The following NAV2 variants were observed in gnomAD, a reference collection of about 807,000 sequenced individuals.
NAV2 encodes the protein neuron navigator 2.
NAV2 carries 54 observed loss-of-function variants against 223.2 expected under a neutral mutation model. The ratio of observed to expected loss-of-function variants is 0.24; its 90% CI spans 0.19 to 0.30. NAV2 has a LOEUF of 0.30. NAV2 is among the 10% of genes least tolerant of loss of function. NAV2 has a pLI of 1.00. For missense variants in NAV2, 2,806 were observed against 3,147.5 expected (o/e 0.89, Z 2.60); for synonymous variants, 1,279 against 1,239.3 (o/e 1.03, Z -0.67).
intron 1 of NAV2, among the ~76,000 whole-genome samples, chr11:19,582,494 T>A (rs545533362): frequency 4.5e-4 from 69 of 152,380 alleles, no homozygotes; most frequent in Admixed American, 8.5e-4. Context: ...TTTTTATGGT[T>A]TTAGGCCTAA....
intron 3 of NAV2, among the ~76,000 whole-genome samples, chr11:19,855,697 A>G (rs1253734144): frequency 6.6e-6 from 1 of 152,194 alleles, no homozygotes; most frequent in Non-Finnish European, 1.5e-5. Context: ...AAATGAGTCA[A>G]CTTGGAATTA....
At chr11:19,938,981 CTGAA>C (rs2046168458) in intron 7 of NAV2, among the ~76,000 whole-genome samples, 1 of 152,184 alleles carries the variant, frequency 6.6e-6, no homozygotes, top group Admixed American at 6.5e-5. Context: ...CATGCCATGC[CTGAA>C]TGAGCAGAGG....
chr11:19,962,040 T>C (rs1223785721), intron 10 of NAV2, among the ~76,000 whole-genome samples: 1 of 151,716 alleles, frequency 6.6e-6, no homozygotes, highest in African/African-American at 2.4e-5. Context: ...TCAGATGCCC[T>C]CGTTGCAGGC....
intron 17 of NAV2, among the ~76,000 whole-genome samples, chr11:20,052,280 A>G (rs2058063005): frequency 6.6e-6 from 1 of 152,270 alleles, no homozygotes. Flanking sequence ...AATGTGAGGT[A>G]GGTATCAATG....
At chr11:19,616,734 G>A (rs2046807044) in intron 1 of NAV2, among the ~76,000 whole-genome samples, 1 of 152,010 alleles carries the variant, frequency 6.6e-6, no homozygotes, top group Admixed American at 6.5e-5. Flanking sequence ...TAAGTGGTGA[G>A]AGGGCTCTCA....
intron 1 of NAV2, among the ~76,000 whole-genome samples, chr11:19,767,846 C>A (rs996815714): frequency 1.3e-5 from 2 of 152,108 alleles, no homozygotes; most frequent in Non-Finnish European, 2.9e-5. Context: ...TGCAGATCTC[C>A]AGGCTCCCAG....
At chr11:19,760,170 G>A (rs897440327) in intron 1 of NAV2, 1 of 152,226 alleles carries the variant, frequency 6.6e-6, no homozygotes, top group Non-Finnish European at 1.5e-5. Context: ...TCATTTCAAG[G>A]GTGGCCCAGC....
Position 20,045,639 on chromosome 11 carries a change from T to A in NAV2, c.3871T>A (p.Tyr1291Asn). The A allele has an allele frequency of 3.7e-6, 6 of 1,614,070 alleles. No homozygotes were observed. The highest frequency in any genetic ancestry group is 5.1e-6 in the Non-Finnish European group (6 of 1,179,944). ...GACCAGTCTCCAGCCTGGAGCCAAG[T>A]ACCCAGATGTGGCCTCTCCCACACT... ...AQTSLQPGAK[Y>N]PDVASPTLRR... The change falls in exon 14 of 38, where the codon TAC becomes AAC. Residue 1291 changes from tyrosine to asparagine, a missense_variant. Tyr to Asn is a moderately radical substitution (Grantham distance 143). Around this residue, in one of 4 missense-constraint regions of NAV2, gnomAD observed 742 missense variants for 777.9 expected, o/e 0.95. Coordinates refer to ENST00000349880, the MANE Select transcript of NAV2 (RefSeq NM_145117.5).
intron 4 of NAV2, among the ~76,000 whole-genome samples, chr11:19,877,471 T>TTTTTTTTTTTTTTTTTTTTTCTTTTC (rs2062914911): frequency 9.5e-6 from 1 of 105,436 alleles, no homozygotes; most frequent in African/African-American, 3.9e-5. Context: ...ATCTTCATTC[T>TTTTTTTTTTTTTTTTTTTTTCTTTTC]TTTTTTTTTT....
chr11:19,985,619 C>T (rs1260825029), intron 11 of NAV2, among the ~76,000 whole-genome samples: 1 of 151,934 alleles, frequency 6.6e-6, no homozygotes, highest in Admixed American at 6.6e-5. Context: ...CTCTGTCACC[C>T]AGGCTGGAGT....
In NAV2 at chr11:20,080,122, C is replaced by T. The variant is rs1320112656; in HGVS notation, c.5238C>T (p.Ser1746=). ...LRIRRQHSSD[S]VSSINSATSH... is the part of the protein sequence containing the mutation. ...TCCGCAGGCAGCACTCCTCAGACAG[C>T]GTCTCCAGCATCAACAGTGCCACCA... Residue 1746 remains serine, a synonymous_variant, in exon 25 of 38, where the codon AGC becomes AGT. Transcript: ENST00000349880. 1.9e-5 allele frequency: 31 copies of T among 1,614,102 alleles called. No individual in the cohort carries two copies. The highest frequency in any genetic ancestry group is 2.4e-5 in the Non-Finnish European group (28 of 1,179,996).
intron 1 of NAV2, among the ~76,000 whole-genome samples, chr11:19,672,692 G>A (rs1198928349): frequency 5.9e-5 from 9 of 152,222 alleles, no homozygotes; most frequent in East Asian, 1.9e-4. Context: ...CATGGGGAAG[G>A]AGCCTAAGAG....
At chr11:19,418,871 A>G (rs564346902) in intron 1 of NAV2, among the ~76,000 whole-genome samples, 13 of 151,954 alleles carry the variant, frequency 8.6e-5, no homozygotes, top group African/African-American at 2.9e-4. Flanking sequence ...GAGTCCAGGT[A>G]GGAGGATGAT....
chr11:19,694,383 C>A (rs2049267360), intron 1 of NAV2, among the ~76,000 whole-genome samples: 4 of 152,210 alleles, frequency 2.6e-5, no homozygotes, highest in Admixed American at 2.6e-4. Flanking sequence ...AGGGGCAGGC[C>A]TCCGAGCAAG....
chr11:19,732,542 G>A (rs1291209731), intron 1 of NAV2, among the ~76,000 whole-genome samples: 1 of 152,222 alleles, frequency 6.6e-6, no homozygotes, highest in Non-Finnish European at 1.5e-5. Flanking sequence ...ATTATCAGGT[G>A]GAGAATGAAG....
rs372334222 is a variant in NAV2, at chr11:20,001,492, T to G, written c.2768+17245T>G. On this transcript the variant is annotated intron_variant, in intron 11 of 37. Coordinates refer to ENST00000349880, the MANE Select transcript of NAV2 (RefSeq NM_145117.5). ...TCCAGTTTTAGATGGATGGGTTATC[T>G]CTCTCCATCCAGAGACCTTGGCTTT... is the stretch of plus-strand genomic sequence containing the variant. 4.6e-5 allele frequency among the ~76,000 whole-genome samples: 7 copies of G among 152,196 alleles called. No homozygotes were observed. The South Asian group carries it at 1.2e-3, about 27-fold the overall frequency.
At chr11:19,638,248 C>G (rs374589472) in intron 1 of NAV2, among the ~76,000 whole-genome samples, 1 of 152,158 alleles carries the variant, frequency 6.6e-6, no homozygotes, top group African/African-American at 2.4e-5. Context: ...GGGAAGTTTG[C>G]TACTGGGCAT....
intron 1 of NAV2, among the ~76,000 whole-genome samples, chr11:19,820,977 C>T (rs370704070): frequency 6.6e-5 from 10 of 152,066 alleles, no homozygotes; most frequent in African/African-American, 2.2e-4. Context: ...AGAGGAAGAT[C>T]GAGGGCCGGG....
chr11:19,743,409 A>G (rs1384311834), intron 1 of NAV2, among the ~76,000 whole-genome samples: 1 of 152,204 alleles, frequency 6.6e-6, no homozygotes, highest in Non-Finnish European at 1.5e-5. Context: ...GGCCCAGGAT[A>G]TCTCCAGGGT....
Sources: gnomAD v4.1 joint callset for allele counts (sites outside exome capture counted in the v4.1 genomes callset) on GRCh38, gnomAD v4.1.1 for gene constraint, gnomAD v4.1.1 regional missense constraint, MANE v1.5 for transcripts, NCBI Gene and HGNC (gene_info 2026-07-23, HGNC 2026-07-21) for gene names.